The following WNK2 variants were observed in gnomAD, a reference collection of about 807,000 sequenced individuals.
WNK2 encodes serine/threonine-protein kinase WNK2.
Under a neutral mutation model 192.1 loss-of-function variants are expected in WNK2, and 67 were observed. The observed-to-expected ratio is 0.35, with a 90% CI of 0.29 to 0.43. The LOEUF is 0.43. Ranked by LOEUF, WNK2 falls within the 20% of genes least tolerant of loss-of-function variation. The probability of loss-of-function intolerance (pLI) is 1.00; values close to 1 mark genes in which losing one functional copy is unlikely to be tolerated. For synonymous variants in WNK2, 1,439 were observed against 1,393.9 expected, an observed-to-expected ratio of 1.03 and a Z score of -0.72; for missense variants, 2,698 against 3,089.7, an observed-to-expected ratio of 0.87 and a Z score of 3.01.
rs1843878226 is a variant in WNK2 at position 93,259,594 on chromosome 9, G to A, written c.3046G>A (p.Ala1016Thr). 3.1e-6 allele frequency: 5 copies of A among 1,591,696 alleles called. No homozygotes were observed. The highest frequency in any genetic ancestry group is 1.7e-5 in the Admixed American group (1 of 58,910). The stretch of plus-strand genomic sequence containing the variant: ...CCACCTTCCTGAACAAGCTGCTCCA[G>A]CTGCTACACCAGGGAGCCAGGTAAT... ...QPHLPEQAAP[A>T]ATPGSQILLG... The change falls in exon 12 of 30, where the codon GCT (alanine) becomes ACT (threonine). Residue 1016 changes from alanine (A) to threonine (T), a missense_variant. Around this residue, in one of 7 missense-constraint regions of WNK2, gnomAD observed 893 missense variants for 909.0 expected, o/e 0.98. Coordinates refer to ENST00000427277, the MANE Select transcript of WNK2 (RefSeq NM_006648.4). The surrounding 1 kb of genome is among the most constrained non-coding windows in gnomAD (Gnocchi z 4.8).
intron 28 of WNK2, chr9:93,309,122 G>C (rs1853170783): frequency 1.0e-6 from 1 of 983,870 alleles, no homozygotes; most frequent in Non-Finnish European, 1.2e-6. Flanking sequence ...CTGTTTTTCA[G>C]CTTTCTGGAG....
intron 19 of WNK2, 128 bp from the exon 20 acceptor site, chr9:93,288,660 G>C: frequency 9.0e-6 from 9 of 995,678 alleles, no homozygotes; most frequent in Non-Finnish European, 1.3e-5. Flanking sequence ...CTGGCGTGTC[G>C]GGAAACAGAG....
intron 7 of WNK2, among the ~76,000 whole-genome samples, chr9:93,245,405 C>T (rs145486216): frequency 6.6e-6 from 1 of 152,370 alleles, no homozygotes; most frequent in East Asian, 1.9e-4. Flanking sequence ...CTTCCATGTC[C>T]TGTCCCTCGG....
At chr9:93,308,008 T>C (rs991110180) in intron 27 of WNK2, 16 of 386,044 alleles carry the variant, frequency 4.1e-5, no homozygotes, top group Non-Finnish European at 7.5e-5. Context: ...CTGAGCTCTC[T>C]CACACGTGAG....
intron 12 of WNK2, 84 bp from the exon 13 acceptor site, chr9:93,261,730 G>T (rs1844290563): frequency 1.3e-6 from 2 of 1,489,500 alleles, no homozygotes; most frequent in Non-Finnish European, 1.8e-6. Flanking sequence ...TCTCGGCCTG[G>T]GTATTCCCAG....
At chr9:93,314,599 T>G (rs990583685) in intron 28 of WNK2, among the ~76,000 whole-genome samples, 4 of 152,200 alleles carry the variant, frequency 2.6e-5, no homozygotes, top group African/African-American at 9.7e-5. Context: ...TGCCAGCCAT[T>G]TATAAGCAAT....
At chr9:93,246,028 A>T (rs1841617578) in intron 7 of WNK2, among the ~76,000 whole-genome samples, 1 of 152,188 alleles carries the variant, frequency 6.6e-6, no homozygotes, top group Non-Finnish European at 1.5e-5. Context: ...AGATGGGGAT[A>T]GAGAGGCCAC....
chr9:93,259,534 C>T lies in WNK2; in HGVS notation c.2986C>T (p.Pro996Ser). ...LPPQPVLPPQ[P>S]ALPVRPEPLQ... is the part of the protein sequence containing the mutation. ...CCCACAACCTGTGCTGCCCCCGCAGCCGGCACTGCCTGTGCGCCCTGAGCC... is the reference window on the plus strand; with the variant it reads ...CCCACAACCTGTGCTGCCCCCGCAGTCGGCACTGCCTGTGCGCCCTGAGCC... The change falls in exon 12 of 30, where the codon CCG (proline) becomes TCG (serine). Residue 996 changes from proline to serine, a missense_variant. Pro to Ser is a moderately conservative substitution (Grantham distance 74). Around this residue, in one of 7 missense-constraint regions of WNK2, gnomAD observed 893 missense variants for 909.0 expected, o/e 0.98. Transcript: ENST00000427277. This position sits in a 1 kb window ranked among gnomAD's most constrained non-coding sequence, Gnocchi z 4.8. 1 of 1,592,732 alleles carries T rather than the reference C, an allele frequency of 6.3e-7. No individual in the cohort carries two copies.
chr9:93,292,486 C>G lies in WNK2; in HGVS notation c.5026-5C>G. On this transcript the variant is annotated splice_polypyrimidine_tract_variant and splice_region_variant and intron_variant, in intron 22 of 29. Coordinates refer to ENST00000427277, the MANE Select transcript of WNK2 (RefSeq NM_006648.4). ...AAACCTCTTCATCTCCGCTTGTTTCCCAAGGATGTACCTGCTTTTGTGAGA... is the reference window on the plus strand; with the variant it reads ...AAACCTCTTCATCTCCGCTTGTTTCGCAAGGATGTACCTGCTTTTGTGAGA... 3 of 1,605,142 alleles carry G rather than the reference C, an allele frequency of 1.9e-6. No homozygotes were observed. Among genetic ancestry groups the G allele is most frequent in the Non-Finnish European group, 2.6e-6 (3 of 1,174,396 alleles).
chr9:93,307,911 G>T, intron 27 of WNK2: 1 of 194,082 alleles, frequency 5.2e-6, no homozygotes, highest in East Asian at 1.4e-4. Flanking sequence ...TACGGCTGAG[G>T]ATGCACAGGC....
intron 9 of WNK2, among the ~76,000 whole-genome samples, chr9:93,256,030 C>CTTTCTGTATGGT: frequency 6.6e-6 from 1 of 152,290 alleles, no homozygotes; most frequent in Admixed American, 6.5e-5. Context: ...TCTGCAGAGC[C>CTTTCTGTATGGT]TCTGTGCTGG....
chr9:93,238,602 C>T (rs990575522), intron 6 of WNK2, among the ~76,000 whole-genome samples: 5 of 152,202 alleles, frequency 3.3e-5, no homozygotes, highest in African/African-American at 1.2e-4. Context: ...ACAGTCCTGT[C>T]CTTGGCTGAC....
chr9:93,222,033 G>A (rs1239967211), intron 2 of WNK2, among the ~76,000 whole-genome samples: 1 of 152,132 alleles, frequency 6.6e-6, no homozygotes, highest in Non-Finnish European at 1.5e-5. Flanking sequence ...CTTACCCCTG[G>A]GGCAGGCAGG....
intron 26 of WNK2, among the ~76,000 whole-genome samples, chr9:93,302,892 G>A (rs1051251792): frequency 6.6e-6 from 1 of 151,084 alleles, no homozygotes; most frequent in African/African-American, 2.4e-5. Context: ...GCTGTGGGGA[G>A]CTCACATGAC....
rs748511672 is a variant in WNK2, at chr9:93,288,978, G to A, written c.4224G>A (p.Glu1408=). ...GAAPATSTMP[E]PASGTASQAG... Reference sequence around the variant, plus strand: ...CTCCAGCCACCAGCACCATGCCAGAGCCAGCGTCAGGAACTGCCAGCCAGG... The same window carrying A: ...CTCCAGCCACCAGCACCATGCCAGAACCAGCGTCAGGAACTGCCAGCCAGG... Residue 1408 remains glutamate (E), a synonymous_variant, in exon 20 of 30, where the codon GAG becomes GAA. Coordinates refer to ENST00000427277, the MANE Select transcript of WNK2 (RefSeq NM_006648.4). 6.2e-7 allele frequency: 1 copy of A among 1,602,900 alleles called. No homozygotes were observed. The highest frequency in any genetic ancestry group is 1.1e-5 in the South Asian group (1 of 89,300).
chr9:93,192,250 G>T (rs1830456748), intron 2 of WNK2, among the ~76,000 whole-genome samples: 1 of 151,518 alleles, frequency 6.6e-6, no homozygotes, highest in African/African-American at 2.4e-5. Context: ...GGAGGCGGAG[G>T]TTGAGTGAGC....
At chr9:93,292,186 A>G (rs897571159) in intron 21 of WNK2, 122 bp from the exon 22 acceptor site, 51 of 984,282 alleles carry the variant, frequency 5.2e-5, no homozygotes, top group Non-Finnish European at 8.1e-5. Context: ...ACCCACTTCC[A>G]TTGTCCTGCC....
chr9:93,223,230 C>T (rs980233136), intron 2 of WNK2, among the ~76,000 whole-genome samples: 1 of 152,208 alleles, frequency 6.6e-6, no homozygotes, highest in Non-Finnish European at 1.5e-5. Context: ...GCCCACTGAC[C>T]ACTCACTGCA....
chr9:93,184,431 C>A (rs1010256839), intron 1 of WNK2, among the ~76,000 whole-genome samples, 46 bp downstream of exon 1: 43 of 151,466 alleles, frequency 2.8e-4, no homozygotes, highest in Non-Finnish European at 4.7e-4. Context: ...CCTTTGTGTG[C>A]GCGCCGCGGC....
Sources: gnomAD v4.1 joint callset for allele counts (sites outside exome capture counted in the v4.1 genomes callset) on GRCh38, gnomAD v4.1.1 for gene constraint, gnomAD v4.1.1 regional missense constraint, Gnocchi (gnomAD v3.1) non-coding constraint, MANE v1.5 for transcripts, NCBI Gene and HGNC (gene_info 2026-07-23, HGNC 2026-07-21) for gene names.